The following HOXC5 variants were observed in gnomAD, a reference collection of about 807,000 sequenced individuals.
HOXC5 encodes homeobox C5.
In HOXC5, 19 loss-of-function variants were observed where a neutral mutation model predicts 20.1. That is an observed-to-expected ratio of 0.94 (90% confidence interval 0.66 to 1.38). The LOEUF is 1.38. Ranked by LOEUF, HOXC5 falls within the 40% of genes most tolerant of loss-of-function variation. The pLI is 0.00. For synonymous variants in HOXC5, 124 were observed against 117.0 expected (o/e 1.06, Z -0.39); for missense variants, 330 against 300.1 (o/e 1.10, Z -0.74).
upstream of HOXC5, chr12:54,028,489 G>T (rs753924760): frequency 6.3e-6 from 10 of 1,592,372 alleles, no homozygotes; most frequent in Non-Finnish European, 8.6e-6. Flanking sequence ...AAATATTAAA[G>T]AAATCATAGA....
Position 54,034,303 on chromosome 12 carries a change from C to A in HOXC5, c.480C>A (p.Thr160=). The change falls in exon 2 of 2, where the codon ACC becomes ACA. Residue 160 remains threonine (T), a synonymous_variant. Coordinates refer to ENST00000312492, the MANE Select transcript of HOXC5 (RefSeq NM_018953.4). The stretch of plus-strand genomic sequence containing the variant: ...AGACGGACGGCAAGCGGTCCCGAAC[C>A]AGTTACACGCGCTACCAGACTCTGG... ...SHETDGKRSR[T]SYTRYQTLEL... 6.2e-7 allele frequency: 1 copy of A among 1,614,066 alleles called. No individual in the cohort carries two copies. The highest frequency in any genetic ancestry group is 8.5e-7 in the Non-Finnish European group (1 of 1,180,018).
upstream of HOXC5, chr12:54,029,833 G>A (rs775505948): frequency 6.2e-7 from 1 of 1,614,048 alleles, no homozygotes; most frequent in Non-Finnish European, 8.5e-7. Context: ...AGAACCGCCG[G>A]ATGAAGTGGA....
chr12:54,024,420 CGAGGGTTGGT>C, the HOXC5 span, among the ~76,000 whole-genome samples: 1 of 152,086 alleles, frequency 6.6e-6, no homozygotes, highest in Non-Finnish European at 1.5e-5. Flanking sequence ...TATCTGTGTG[CGAGGGTTGGT>C]GAGTTACAAA....
chr12:54,027,454 T>C, the HOXC5 span, among the ~76,000 whole-genome samples: 1 of 152,194 alleles, frequency 6.6e-6, no homozygotes, highest in Non-Finnish European at 1.5e-5. Flanking sequence ...GGCTGGATCC[T>C]ATGTGAATTA....
chr12:54,029,039 T>G, upstream of HOXC5: 2 of 980,782 alleles, frequency 2.0e-6, no homozygotes, highest in Non-Finnish European at 1.5e-6. Flanking sequence ...ATCACGCTCG[T>G]CTCCTCACCG....
Position 54,034,775 on chromosome 12 carries a change from A to G in HOXC5, c.*283A>G, listed in dbSNP as rs1180453255. 2.3e-6 allele frequency: 1 copy of G among 437,060 alleles called. No individual in the cohort carries two copies. The allele number at this position is 437,060 out of a possible 1,614,324, so 27.1% of individuals were successfully genotyped here. Reference sequence around the variant, plus strand: ...GGACTTCCCCGGAGGGCTGCGGCGTACAGGCTGGCGCAGAACGAACCTTGG... The same window carrying G: ...GGACTTCCCCGGAGGGCTGCGGCGTGCAGGCTGGCGCAGAACGAACCTTGG... On this transcript the variant is annotated 3_prime_UTR_variant, in exon 2 of 2. Coordinates refer to ENST00000312492, the MANE Select transcript of HOXC5 (RefSeq NM_018953.4).
Position 54,033,269 on chromosome 12 carries a change from C to T in HOXC5, c.147C>T (p.Phe49=). 1 of 1,614,162 alleles carries T rather than the reference C, an allele frequency of 6.2e-7. No homozygotes were observed. Among genetic ancestry groups the T allele is most frequent in the South Asian group, 1.1e-5 (1 of 91,080 alleles). The change falls in exon 1 of 2, where the codon TTC becomes TTT. Residue 49 remains phenylalanine, a synonymous_variant. Transcript: ENST00000312492. ...CYGGLDLSIT[F]PPPAPSNSLH... ...GCGGATTGGACTTAAGCATCACTTT[C>T]CCACCGCCTGCGCCTTCCAACTCTC...
At chr12:54,034,179 T>C in intron 1 of HOXC5, 99 bp from the exon 2 acceptor site, 3 of 1,168,840 alleles carry the variant, frequency 2.6e-6, no homozygotes, top group South Asian at 2.5e-5. Context: ...TCGCCTCCTC[T>C]CCCTCCGGCC....
the HOXC5 span, among the ~76,000 whole-genome samples, chr12:54,027,557 TCCTC>T: frequency 6.6e-6 from 1 of 152,304 alleles, no homozygotes; most frequent in Middle Eastern, 3.4e-3. Context: ...TTTTCGTTCT[TCCTC>T]TCTCTCTCTT....
upstream of HOXC5, chr12:54,028,402 C>A: frequency 8.6e-7 from 1 of 1,163,918 alleles, no homozygotes. Flanking sequence ...GGTCAGCTGA[C>A]TTTGTCATTT....
At chr12:54,023,253 A>T in the HOXC5 span, among the ~76,000 whole-genome samples, 1 of 152,212 alleles carries the variant, frequency 6.6e-6, no homozygotes, top group Non-Finnish European at 1.5e-5. Context: ...GCTGAGCGTG[A>T]TGGGGTAGAG....
chr12:54,029,983 C>G (rs779937440), upstream of HOXC5: 1 of 1,505,288 alleles, frequency 6.6e-7, no homozygotes, highest in East Asian at 2.3e-5. Context: ...CCCTGCCACC[C>G]CTCTCTCCCT....
At chr12:54,029,030 T>G, upstream of HOXC5, 1 of 1,064,784 alleles carries the variant, frequency 9.4e-7, no homozygotes, top group East Asian at 2.5e-5. Context: ...ATAAAAACAA[T>G]CACGCTCGTC....
chr12:54,029,327 G>A (rs1940878529), upstream of HOXC5, among the ~76,000 whole-genome samples: 1 of 152,118 alleles, frequency 6.6e-6, no homozygotes, highest in South Asian at 2.1e-4. Flanking sequence ...TGAGAAAGGG[G>A]GCCCTCATCC....
chr12:54,025,101 G>A, the HOXC5 span, among the ~76,000 whole-genome samples: 1 of 152,178 alleles, frequency 6.6e-6, no homozygotes, highest in South Asian at 2.1e-4. Context: ...GCCTGATGGG[G>A]TTGGGGGGTA....
At chr12:54,018,071 G>A in the HOXC5 span, among the ~76,000 whole-genome samples, 1 of 152,160 alleles carries the variant, frequency 6.6e-6, no homozygotes, top group Non-Finnish European at 1.5e-5. Context: ...GCCGAGAGGA[G>A]AGCGTCTGCC....
At position 54,033,077 on chromosome 12, in the gene HOXC5, C is replaced by T. The variant is rs747746255; in HGVS notation, c.-46C>T. The T allele has an allele frequency of 2.0e-6, 3 of 1,504,556 alleles. No individual in the cohort carries two copies. The highest frequency in any genetic ancestry group is 2.3e-5 in the East Asian group (1 of 43,958). 93.2% of individuals were successfully genotyped at this position (1,504,556 alleles called of 1,614,324 possible). A position where few individuals can be genotyped will look rare whatever the true frequency, so the allele number is the denominator to read the frequency against. ...CTCAACTTCAAAGAGTCACAAATCA[C>T]CCTTAATCAAAAAGGGTGCAGAAAT... On this transcript the variant is annotated 5_prime_UTR_variant, in exon 1 of 2. Coordinates refer to ENST00000312492, the MANE Select transcript of HOXC5 (RefSeq NM_018953.4).
At chr12:54,033,961 C>A in intron 1 of HOXC5, 1 of 404,076 alleles carries the variant, frequency 2.5e-6, no homozygotes, top group Non-Finnish European at 5.1e-6. Flanking sequence ...TCGGGAGGGG[C>A]GGGAGGGGGG....
the HOXC5 span, among the ~76,000 whole-genome samples, chr12:54,017,899 T>C: frequency 6.6e-6 from 1 of 151,424 alleles, no homozygotes; most frequent in African/African-American, 2.4e-5. Context: ...CCCCTCCCTG[T>C]CTGGCAGCCC....
Sources: allele counts gnomAD v4.1 joint callset (sites outside exome capture counted in the v4.1 genomes callset), GRCh38; gene constraint gnomAD v4.1.1; transcripts MANE v1.5; gene names NCBI Gene and HGNC (gene_info 2026-07-23, HGNC 2026-07-21).